The following ACACA variants were observed in gnomAD, a reference collection of about 807,000 sequenced individuals.
The protein encoded by ACACA is acetyl-CoA carboxylase 1.
ACACA carries 103 observed loss-of-function variants against 296.1 expected under a neutral mutation model. That is an observed-to-expected ratio of 0.35 (90% confidence interval 0.30 to 0.41). ACACA has a LOEUF of 0.41. Among genes scored for constraint, ACACA ranks in the 10% least tolerant of loss-of-function variants. The probability of loss-of-function intolerance (pLI) is 1.00; values close to 1 mark genes in which losing one functional copy is unlikely to be tolerated. For missense variants in ACACA, 1,554 were observed against 2,989.7 expected, an observed-to-expected ratio of 0.52 and a Z score of 11.20; for synonymous variants, 953 against 1,038.6, an observed-to-expected ratio of 0.92 and a Z score of 1.58.
intron 1 of ACACA, among the ~76,000 whole-genome samples, chr17:37,394,315 A>G (rs2051000889): frequency 6.6e-6 from 1 of 151,272 alleles, no homozygotes; most frequent in Non-Finnish European, 1.5e-5. Flanking sequence ...GGTTCAAACT[A>G]TTCTCGTGCC....
chr17:37,382,061 C>T (rs148182514), intron 1 of ACACA, among the ~76,000 whole-genome samples: 1 of 151,988 alleles, frequency 6.6e-6, no homozygotes, highest in East Asian at 1.9e-4. Flanking sequence ...TTAATAAATT[C>T]TTTTCCCCTC....
At position 37,341,875 on chromosome 17, in the gene ACACA, T is replaced by C. The variant is rs187346733; in HGVS notation, c.39-2025A>G. Among the ~76,000 whole-genome samples, 32 of 152,078 alleles carry C rather than the reference T, an allele frequency of 2.1e-4. No individual in the cohort carries two copies. In the East Asian group the frequency reaches 5.2e-3, roughly 25 times the overall value. Reference sequence around the variant, plus strand: ...TTTTCTTGACAAAAATGTACCCTCATACAAAATTTTCATTCCATACAGGTT... The same window carrying C: ...TTTTCTTGACAAAAATGTACCCTCACACAAAATTTTCATTCCATACAGGTT... On this transcript the variant is annotated intron_variant, in intron 1 of 55. Transcript: ENST00000616317.
intron 1 of ACACA, among the ~76,000 whole-genome samples, chr17:37,380,042 T>G (rs2050178566): frequency 1.3e-5 from 2 of 151,340 alleles, no homozygotes; most frequent in South Asian, 4.2e-4. Flanking sequence ...CCAATAATGA[T>G]AGACTGGATT....
At chr17:37,335,560 C>T (rs1327988555) in intron 2 of ACACA, among the ~76,000 whole-genome samples, 1 of 151,844 alleles carries the variant, frequency 6.6e-6, no homozygotes, top group Non-Finnish European at 1.5e-5. Context: ...GGCCCCTATG[C>T]CCATCTACAC....
intron 24 of ACACA, among the ~76,000 whole-genome samples, chr17:37,237,789 C>T (rs1361702909): frequency 6.6e-6 from 1 of 151,942 alleles, no homozygotes; most frequent in Admixed American, 6.6e-5. Context: ...GAGACTGTGT[C>T]CTGCTCTGTC....
At chr17:37,270,951 T>C (rs961882232) in intron 9 of ACACA, 90 bp from the exon 10 acceptor site, 2 of 872,946 alleles carry the variant, frequency 2.3e-6, no homozygotes, top group Non-Finnish European at 3.9e-6. Context: ...AAGAATGCAG[T>C]CATTTAGTAA....
intron 1 of ACACA, among the ~76,000 whole-genome samples, chr17:37,372,735 G>A (rs747005286): frequency 1.2e-4 from 19 of 152,132 alleles, no homozygotes; most frequent in Non-Finnish European, 2.6e-4. Context: ...TGATGTTTTT[G>A]TTGTGGGAAA....
At chr17:37,124,655 TG>T (rs1163525767) in intron 48 of ACACA, among the ~76,000 whole-genome samples, 1 of 152,130 alleles carries the variant, frequency 6.6e-6, no homozygotes, top group Non-Finnish European at 1.5e-5. Context: ...CTGAGAAGCC[TG>T]GGGTGAGATA....
At position 37,094,578 on chromosome 17, in the gene ACACA, C is replaced by A. The variant is rs1002253420; in HGVS notation, c.6891+2418G>T. ...TATCATTCTTTGAAGAACCACCCCC[C>A]CCCCCCCACACCAAACAGCAAGCAG... On this transcript the variant is annotated intron_variant, in intron 54 of 55. Coordinates refer to ENST00000616317, the MANE Select transcript of ACACA (RefSeq NM_198834.3). Among the ~76,000 whole-genome samples, 33 of 147,926 alleles carry A rather than the reference C, an allele frequency of 2.2e-4. 1 individual carries two copies. Among genetic ancestry groups the A allele is most frequent in the South Asian group, 8.9e-4 (4 of 4,510 alleles).
intron 41 of ACACA, chr17:37,162,511 C>T (rs1236489847): frequency 3.6e-6 from 1 of 281,442 alleles, no homozygotes; most frequent in East Asian, 1.0e-4. Context: ...GGGTGGATCC[C>T]TCATGAATGG....
At chr17:37,241,475 C>T (rs1030495356) in intron 23 of ACACA, among the ~76,000 whole-genome samples, 4 of 152,010 alleles carry the variant, frequency 2.6e-5, no homozygotes, top group Admixed American at 2.6e-4. Context: ...GAGGCCGAGG[C>T]GGGTGGGTCA....
chr17:37,291,423 G>A lies in ACACA; in HGVS notation c.339-6453C>T, dbSNP rs940192927. ...GCTCCCAACCTCAGGTGATCCACCC[G>A]CCTCAGCCTCCCAAAGTGCTGGAAT... is the stretch of plus-strand genomic sequence containing the variant. On this transcript the variant is annotated intron_variant, in intron 3 of 55. Transcript: ENST00000616317. Among the ~76,000 whole-genome samples, 77 of 151,924 alleles carry A rather than the reference G, an allele frequency of 5.1e-4. 3 individuals are homozygous for A. The highest frequency in any genetic ancestry group is 1.8e-4 in the Non-Finnish European group (12 of 67,980).
In ACACA at chr17:37,318,035, A is replaced by G. The variant is rs550064789; in HGVS notation, c.338+12138T>C. 3.3e-5 allele frequency among the ~76,000 whole-genome samples: 5 copies of G among 152,234 alleles called. No homozygotes were observed. In the East Asian group the frequency reaches 9.6e-4, roughly 29 times the overall value. ...AGCACTGAAAGTAGAAAGTTTGGAGAGCTATTAGGGGAAGGGAAGAAGCTC... is the reference window on the plus strand; with the variant it reads ...AGCACTGAAAGTAGAAAGTTTGGAGGGCTATTAGGGGAAGGGAAGAAGCTC... On this transcript the variant is annotated intron_variant, in intron 3 of 55. Transcript: ENST00000616317.
chr17:37,378,030 T>C, intron 1 of ACACA: 4 of 1,395,434 alleles, frequency 2.9e-6, no homozygotes, highest in Non-Finnish European at 4.1e-6. Flanking sequence ...CTTTAAAAGA[T>C]ATCTCATCTT....
rs1017086449 is a variant in ACACA, at chr17:37,248,149, C to T, written c.2171G>A (p.Arg724Gln). Residue 724 changes from arginine to glutamine, a missense_variant, in exon 18 of 56, where the codon CGA (arginine) becomes CAA (glutamine). Arg to Gln is a conservative substitution (Grantham distance 43). This residue lies in a region of ACACA where 316 missense variants were observed against 540.9 expected (regional missense o/e 0.58). Transcript: ENST00000616317. ...CACCACATAGGAGTTGGGGGACTGT[C>T]GAGTCACCTGTAGGGAATGAGAATG... ...EGVKYVLKVTRQSPNSYVVIM... is the reference protein window; with the variant it reads ...EGVKYVLKVTQQSPNSYVVIM... 2 of 1,614,068 alleles carry T rather than the reference C, an allele frequency of 1.2e-6. No homozygotes were observed. Among genetic ancestry groups the T allele is most frequent in the Non-Finnish European group, 1.7e-6 (2 of 1,179,990 alleles).
At position 37,097,134 on chromosome 17, in the gene ACACA, G is replaced by A. The variant is rs200632015; in HGVS notation, c.6753C>T (p.Phe2251=). Residue 2251 remains phenylalanine (F), a synonymous_variant, in exon 54 of 56, where the codon TTC becomes TTT. Transcript: ENST00000616317. The surrounding 1 kb of genome is among the most constrained non-coding windows in gnomAD (Gnocchi z 4.8). The stretch of plus-strand genomic sequence containing the variant: ...GAAGACGCCTCAGCCGCCAGTAGAA[G>A]AAGGTACGGGATGTTTTCCAATCCA... ...DILDWKTSRT[F]FYWRLRRLLL... 46 of 1,613,874 alleles carry A rather than the reference G, an allele frequency of 2.9e-5. No homozygotes were observed. In the South Asian group the frequency reaches 4.5e-4, roughly 16 times the overall value.
chr17:37,196,348 T>C (rs2077996399), intron 35 of ACACA, among the ~76,000 whole-genome samples: 1 of 152,016 alleles, frequency 6.6e-6, no homozygotes, highest in African/African-American at 2.4e-5. Context: ...AGCTCTTCCT[T>C]CAAGGTCCAA....
At chr17:37,345,621 C>A (rs1017187187) in intron 1 of ACACA, among the ~76,000 whole-genome samples, 1 of 152,026 alleles carries the variant, frequency 6.6e-6, no homozygotes, top group African/African-American at 2.4e-5. Flanking sequence ...TTACAGGGAA[C>A]AAGAAACCAT....
At chr17:37,368,951 C>T (rs1054980587) in intron 1 of ACACA, among the ~76,000 whole-genome samples, 4 of 152,156 alleles carry the variant, frequency 2.6e-5, no homozygotes, top group African/African-American at 4.8e-5. Flanking sequence ...CTATAACCAG[C>T]GTCTACTTCT....
Sources: gnomAD v4.1 joint callset for allele counts (sites outside exome capture counted in the v4.1 genomes callset) on GRCh38, gnomAD v4.1.1 for gene constraint, gnomAD v4.1.1 regional missense constraint, Gnocchi (gnomAD v3.1) non-coding constraint, MANE v1.5 for transcripts, NCBI Gene and HGNC (gene_info 2026-07-23, HGNC 2026-07-21) for gene names.